The following LRRC9 variants were observed in gnomAD, a reference collection of about 807,000 sequenced individuals.
LRRC9 encodes leucine-rich repeat-containing protein 9.
Under a neutral mutation model 63.2 loss-of-function variants are expected in LRRC9, and 122 were observed. The observed-to-expected ratio is 1.93, with a 90% confidence interval of 1.67 to 2.24. The LOEUF (loss-of-function observed/expected upper bound fraction) is 2.24. Among genes scored for constraint, LRRC9 ranks in the 30% most tolerant of loss-of-function variants. The pLI, the probability that LRRC9 is intolerant of heterozygous loss-of-function variation, is 0.00. For missense variants in LRRC9, 1,071 were observed against 627.7 expected (o/e 1.71, Z -7.55); for synonymous variants, 366 against 213.1 (o/e 1.72, Z -6.25).
intron 1 of LRRC9, among the ~76,000 whole-genome samples, chr14:59,926,151 G>A (rs118168753): frequency 0.019 from 2,963 of 152,238 alleles, 41 homozygotes; most frequent in Non-Finnish European, 0.029. Context: ...GTGTTTATTA[G>A]CAATGTGAGA....
intron 10 of LRRC9, among the ~76,000 whole-genome samples, chr14:59,963,217 C>T (rs894692162): frequency 6.6e-6 from 1 of 152,144 alleles, no homozygotes; most frequent in African/African-American, 2.4e-5. Context: ...CAACAAAACA[C>T]TGCATGTTTC....
At chr14:60,055,531 T>G (rs76700880) in intron 30 of LRRC9, among the ~76,000 whole-genome samples, 3,353 of 152,210 alleles carry the variant, frequency 0.022, 60 homozygotes, top group South Asian at 0.05. Flanking sequence ...TGGCTTAAAA[T>G]AACACATATT....
rs1166761531 is a variant in LRRC9 at position 59,958,340 on chromosome 14, G to T, written c.883-1478G>T. ...GTTACCTTTCCTTGAGAGATGCCCT[G>T]CCCAGTGAGGAGGAATCTAGAGAAG... On this transcript the variant is annotated intron_variant, in intron 8 of 31. Transcript: ENST00000445360. This position sits in a 1 kb window ranked among gnomAD's most constrained non-coding sequence, Gnocchi z 4.0. Among the ~76,000 whole-genome samples, 2 of 152,200 alleles carry T rather than the reference G, an allele frequency of 1.3e-5. No individual in the cohort carries two copies. The highest frequency in any genetic ancestry group is 6.5e-5 in the Admixed American group (1 of 15,272).
At chr14:59,988,697 C>T (rs219349) in intron 17 of LRRC9, among the ~76,000 whole-genome samples, 112,806 of 151,986 alleles carry the variant, frequency 0.74, 44,133 homozygotes, top group Non-Finnish European at 0.87. Context: ...ACTATATTGT[C>T]ACCGCATGTA....
exon 19 of LRRC9, chr14:59,999,151 T>C (rs2140194628): frequency 1.4e-6 from 1 of 701,232 alleles, no homozygotes; most frequent in Non-Finnish European, 2.6e-6. Context: ...CTCTTACCCA[T>C]TTAAATGGAG....
chr14:59,948,268 C>T lies in LRRC9; in HGVS notation c.882+3524C>T, dbSNP rs199979611. Among the ~76,000 whole-genome samples the T allele has an allele frequency of 0.013, 1,722 of 128,282 alleles. 67 individuals carry two copies. The East Asian group carries it at 0.17, about 13-fold the overall frequency. 84.2% of individuals were successfully genotyped at this position (128,282 alleles called of 152,430 possible). A position where few individuals can be genotyped will look rare whatever the true frequency, so the allele number is the denominator to read the frequency against. On this transcript the variant is annotated intron_variant, in intron 8 of 31. Coordinates refer to ENST00000445360, the Ensembl canonical transcript of LRRC9. ...CCTAGGTATTTTATTCTCTTTGAAG[C>T]AATTGTGAATGGGAGTTCACTCATG...
chr14:59,998,366 T>C (rs959515278), intron 18 of LRRC9, among the ~76,000 whole-genome samples: 1 of 152,044 alleles, frequency 6.6e-6, no homozygotes, highest in African/African-American at 2.4e-5. Context: ...TAAACTTGCA[T>C]TATAAAGTCT....
chr14:60,016,964 C>T (rs980821090), intron 24 of LRRC9, among the ~76,000 whole-genome samples, 174 bp downstream of exon 24: 1 of 151,844 alleles, frequency 6.6e-6, no homozygotes, highest in Non-Finnish European at 1.5e-5. Flanking sequence ...GAGATGGGGT[C>T]TCAAAAAATG....
chr14:59,958,926 C>T lies in LRRC9; in HGVS notation c.883-892C>T, dbSNP rs1884082433. On this transcript the variant is annotated intron_variant, in intron 8 of 31. Transcript: ENST00000445360. This position sits in a 1 kb window ranked among gnomAD's most constrained non-coding sequence, Gnocchi z 4.0. ...ACCCCACCCTGCTTCTGCTCACCCTCTGTGGGTTGGACCCACTGTCTAACC... is the reference window on the plus strand; with the variant it reads ...ACCCCACCCTGCTTCTGCTCACCCTTTGTGGGTTGGACCCACTGTCTAACC... Among the ~76,000 whole-genome samples, 1 of 152,232 alleles carries T rather than the reference C, an allele frequency of 6.6e-6. No homozygotes were observed. The highest frequency in any genetic ancestry group is 6.5e-5 in the Admixed American group (1 of 15,288).
intron 12 of LRRC9, among the ~76,000 whole-genome samples, chr14:59,967,739 C>T (rs1363265815): frequency 2.6e-5 from 4 of 152,188 alleles, no homozygotes; most frequent in Admixed American, 2.6e-4. Context: ...AGCTGTAGCA[C>T]ACTGGTGTAG....
At chr14:60,057,209 A>G (rs1894351335) in intron 30 of LRRC9, among the ~76,000 whole-genome samples, 1 of 152,202 alleles carries the variant, frequency 6.6e-6, no homozygotes, top group South Asian at 2.1e-4. Context: ...TCTTAACAAC[A>G]GCAGAGAAGG....
Position 60,017,815 on chromosome 14 carries a change from A to C in LRRC9, c.3318-556A>C, listed in dbSNP as rs570065264. ...AATGAAGATATAGCTATAGACTGGG[A>C]ATCAAGCATTCTGTTTAATTACCAA... On this transcript the variant is annotated intron_variant, in intron 24 of 31. Transcript: ENST00000445360. The surrounding 1 kb of genome is among the most constrained non-coding windows in gnomAD (Gnocchi z 4.0). Among the ~76,000 whole-genome samples, 1 of 152,110 alleles carries C rather than the reference A, an allele frequency of 6.6e-6. No homozygotes were observed. The highest frequency in any genetic ancestry group is 1.5e-5 in the Non-Finnish European group (1 of 67,992).
intron 31 of LRRC9, 35 bp downstream of exon 32, chr14:60,062,214 C>T: frequency 5.0e-6 from 2 of 398,260 alleles, no homozygotes; most frequent in Non-Finnish European, 8.9e-6. Flanking sequence ...AATATCATTT[C>T]TCATCATTAA....
At chr14:60,063,627 C>A (rs77135594), downstream of LRRC9, 1 of 360,664 alleles carries the variant, frequency 2.8e-6, no homozygotes, top group Non-Finnish European at 5.0e-6. Flanking sequence ...TTACATCAGA[C>A]TACAATTTGA....
chr14:59,943,275 T>C (rs1371476034), intron 7 of LRRC9, among the ~76,000 whole-genome samples: 1 of 152,178 alleles, frequency 6.6e-6, no homozygotes, highest in Non-Finnish European at 1.5e-5. Flanking sequence ...CTAGTAGTTT[T>C]ATGGTTTCAA....
chr14:60,008,996 A>C (rs1890039227), intron 23 of LRRC9, among the ~76,000 whole-genome samples: 1 of 152,194 alleles, frequency 6.6e-6, no homozygotes, highest in African/African-American at 2.4e-5. Context: ...AACCTTGTAT[A>C]CTGTGACTTA....
At position 60,051,971 on chromosome 14, in the gene LRRC9, C is replaced by G. The variant is rs151099278; in HGVS notation, c.3991-1094C>G. ...ACTCCCATGTGGGCTGTCACCCCAC[C>G]CTGCTTTTCTTTGTTCCCCATGGAT... On this transcript the variant is annotated intron_variant, in intron 29 of 31. Transcript: ENST00000445360. This position sits in a 1 kb window ranked among gnomAD's most constrained non-coding sequence, Gnocchi z 4.7. Among the ~76,000 whole-genome samples, 2 of 152,182 alleles carry G rather than the reference C, an allele frequency of 1.3e-5. No homozygotes were observed. Among genetic ancestry groups the G allele is most frequent in the Non-Finnish European group, 2.9e-5 (2 of 68,036 alleles).
At chr14:60,036,516 C>T (rs1360486857) in intron 29 of LRRC9, among the ~76,000 whole-genome samples, 1 of 152,052 alleles carries the variant, frequency 6.6e-6, no homozygotes, top group East Asian at 1.9e-4. Context: ...GATTACGGAC[C>T]AGTTAATTTG....
chr14:59,995,170 C>A (rs1015509227), intron 17 of LRRC9, among the ~76,000 whole-genome samples: 4 of 151,958 alleles, frequency 2.6e-5, no homozygotes, highest in Non-Finnish European at 5.9e-5. Flanking sequence ...TGGAATTTTT[C>A]AAAAATCTAA....
Sources: allele counts gnomAD v4.1 joint callset (sites outside exome capture counted in the v4.1 genomes callset), GRCh38; gene constraint gnomAD v4.1.1; non-coding constraint Gnocchi (gnomAD v3.1); transcripts MANE v1.5; gene names NCBI Gene and HGNC (gene_info 2026-07-23, HGNC 2026-07-21).